RANBP2: variants seen among roughly 807,000 people sequenced by gnomAD.
RANBP2 encodes the protein RAN binding protein 2.
In RANBP2, 57 loss-of-function variants were observed where a neutral mutation model predicts 303.6. That is an observed-to-expected ratio of 0.19 (90% CI 0.15 to 0.23). The LOEUF (loss-of-function observed/expected upper bound fraction) is 0.23. Ranked by LOEUF, RANBP2 falls within the 10% of genes least tolerant of loss-of-function variation. The pLI is 1.00. For missense variants in RANBP2, 3,138 were observed against 3,780.8 expected (o/e 0.83, Z 4.46); for synonymous variants, 1,167 against 1,301.5 (o/e 0.90, Z 2.23).
chr2:109,659,941 A>T, the RANBP2 span, among the ~76,000 whole-genome samples: 2 of 152,204 alleles, frequency 1.3e-5, no homozygotes, highest in Admixed American at 6.5e-5. Flanking sequence ...GGGGCACAAG[A>T]TAGGGGCCCA....
the RANBP2 span, chr2:109,544,042 C>G: frequency 9.9e-7 from 1 of 1,006,752 alleles, no homozygotes; most frequent in African/African-American, 1.6e-5. Context: ...CTTGTGGGGT[C>G]AAGTCAGTGC....
At chr2:109,659,477 G>A in the RANBP2 span, among the ~76,000 whole-genome samples, 1 of 152,198 alleles carries the variant, frequency 6.6e-6, no homozygotes, top group Non-Finnish European at 1.5e-5. Context: ...TTCCTGTGGG[G>A]GATGTACTGT....
At chr2:109,618,066 A>G in the RANBP2 span, 1 of 166,808 alleles carries the variant, frequency 6.0e-6, no homozygotes. Flanking sequence ...ATAAACTAGT[A>G]TCCATTTATT....
At chr2:108,961,635 G>A in the RANBP2 span, among the ~76,000 whole-genome samples, 28 of 152,192 alleles carry the variant, frequency 1.8e-4, no homozygotes, top group Admixed American at 1.3e-4. Flanking sequence ...TTATTGTTAC[G>A]TTTTCTTTTC....
chr2:109,085,199 CTCT>C, the RANBP2 span, among the ~76,000 whole-genome samples: 1 of 152,236 alleles, frequency 6.6e-6, no homozygotes, highest in South Asian at 2.1e-4. Flanking sequence ...GGCTGTGCTA[CTCT>C]TCTTTGAGCT....
At chr2:109,299,664 C>T in the RANBP2 span, among the ~76,000 whole-genome samples, 2 of 152,204 alleles carry the variant, frequency 1.3e-5, no homozygotes, top group Admixed American at 6.5e-5. Flanking sequence ...CTGTACTTGC[C>T]GAACCTAAAA....
intron 12 of RANBP2, among the ~76,000 whole-genome samples, chr2:108,752,553 A>T (rs2149226606): frequency 6.7e-6 from 1 of 150,262 alleles, no homozygotes; most frequent in African/African-American, 2.4e-5. Flanking sequence ...CGGGCAGATC[A>T]CAAGGTCAGG....
chr2:108,812,500 T>G, the RANBP2 span: 476 of 658,728 alleles, frequency 7.2e-4, 1 homozygote, highest in Non-Finnish European at 9.6e-4. Flanking sequence ...TCTAAGTTAA[T>G]CATGAATGCT....
intron 28 of RANBP2, among the ~76,000 whole-genome samples, chr2:108,783,182 A>T (rs889322305): frequency 6.6e-6 from 1 of 151,704 alleles, no homozygotes; most frequent in Non-Finnish European, 1.5e-5. Context: ...TGGACAAAAA[A>T]ATACAAAAAT....
chr2:109,111,021 T>C, the RANBP2 span, among the ~76,000 whole-genome samples: 1 of 152,206 alleles, frequency 6.6e-6, no homozygotes, highest in Admixed American at 6.5e-5. Context: ...TGTTAAGGCA[T>C]GGACATTTTG....
the RANBP2 span, among the ~76,000 whole-genome samples, chr2:108,933,542 G>A: frequency 6.6e-6 from 1 of 152,202 alleles, no homozygotes; most frequent in Admixed American, 6.5e-5. Context: ...ACTTGGTGGA[G>A]ACCTCCAGGT....
At chr2:109,462,336 T>A in the RANBP2 span, among the ~76,000 whole-genome samples, 112 of 152,158 alleles carry the variant, frequency 7.4e-4, 2 homozygotes, top group Non-Finnish European at 4.1e-4. Flanking sequence ...AAAAAAGCAT[T>A]TGCCGAATTA....
intron 17 of RANBP2, among the ~76,000 whole-genome samples, chr2:108,756,321 A>G (rs1676313254): frequency 6.6e-6 from 1 of 152,236 alleles, no homozygotes; most frequent in Admixed American, 6.5e-5. Context: ...TTCATTATGT[A>G]AGGAAATAGT....
the RANBP2 span, among the ~76,000 whole-genome samples, chr2:109,207,748 G>A: frequency 1.3e-5 from 2 of 151,616 alleles, no homozygotes; most frequent in African/African-American, 4.8e-5. Flanking sequence ...ATTTTATGTT[G>A]TAAATTGCTA....
At chr2:108,916,769 G>A in the RANBP2 span, among the ~76,000 whole-genome samples, 2 of 152,162 alleles carry the variant, frequency 1.3e-5, no homozygotes, top group African/African-American at 2.4e-5. Context: ...TCAGCCTCTC[G>A]TGTCAGGACT....
chr2:109,007,857 G>C, the RANBP2 span, among the ~76,000 whole-genome samples: 1 of 126,756 alleles, frequency 7.9e-6, no homozygotes, highest in Non-Finnish European at 1.6e-5. Context: ...CAGCCTTCTT[G>C]CATGCTCACA....
chr2:109,366,788 A>C, the RANBP2 span, among the ~76,000 whole-genome samples: 2 of 152,166 alleles, frequency 1.3e-5, no homozygotes, highest in African/African-American at 4.8e-5. Context: ...GGAAAGTCAA[A>C]GCTGCAGTGA....
intron 4 of RANBP2, 113 bp downstream of exon 4, chr2:108,731,587 T>A: frequency 1.9e-6 from 3 of 1,565,482 alleles, no homozygotes; most frequent in Non-Finnish European, 2.6e-6. Flanking sequence ...GTGTTTCCTT[T>A]AAAAATTTTC....
chr2:108,812,166 G>A, the RANBP2 span, among the ~76,000 whole-genome samples: 2 of 152,078 alleles, frequency 1.3e-5, no homozygotes, highest in African/African-American at 4.8e-5. Flanking sequence ...TGGATAGGAA[G>A]ACTCAATATT....
Sources: allele counts gnomAD v4.1 joint callset (sites outside exome capture counted in the v4.1 genomes callset), GRCh38; gene constraint gnomAD v4.1.1; transcripts MANE v1.5; gene names NCBI Gene and HGNC (gene_info 2026-07-23, HGNC 2026-07-21).